Variants in WDR49 observed in about 807,000 individuals in gnomAD.
WDR49 encodes the protein WD repeat domain 49.
Under a neutral mutation model 119.5 loss-of-function variants are expected in WDR49, and 107 were observed. That is an observed-to-expected ratio of 0.90 (90% confidence interval 0.77 to 1.05). WDR49 has a LOEUF of 1.05. Ranked by LOEUF, WDR49 falls within the 50% of genes least tolerant of loss-of-function variation. The probability of loss-of-function intolerance (pLI) is 0.00; values close to 1 mark genes in which losing one functional copy is unlikely to be tolerated. For synonymous variants in WDR49, 425 were observed against 418.8 expected, an observed-to-expected ratio of 1.01 and a Z score of -0.18; for missense variants, 1,240 against 1,220.5, an observed-to-expected ratio of 1.02 and a Z score of -0.24.
At chr3:167,555,906 A>G (rs1712897711) in intron 9 of WDR49, among the ~76,000 whole-genome samples, 1 of 152,234 alleles carries the variant, frequency 6.6e-6, no homozygotes, top group Non-Finnish European at 1.5e-5. Flanking sequence ...CTACACACCT[A>G]GACTATATGG....
At chr3:167,556,130 C>A (rs1000155933) in intron 9 of WDR49, among the ~76,000 whole-genome samples, 10 of 152,158 alleles carry the variant, frequency 6.6e-5, no homozygotes, top group African/African-American at 2.4e-4. Context: ...ACTTGTAACT[C>A]TATCAATCTA....
At chr3:167,642,252 A>G (rs1355861269) in intron 2 of WDR49, among the ~76,000 whole-genome samples, 5 of 151,968 alleles carry the variant, frequency 3.3e-5, no homozygotes, top group Non-Finnish European at 5.9e-5. Context: ...TTTAATATCT[A>G]TAAGCCCAGT....
chr3:167,571,943 A>C (rs1367470051), intron 8 of WDR49, among the ~76,000 whole-genome samples: 1 of 152,246 alleles, frequency 6.6e-6, no homozygotes, highest in African/African-American at 2.4e-5. Flanking sequence ...TATTTTACAA[A>C]AATACATCAA....
At chr3:167,510,295 T>C (rs1166815851) in intron 16 of WDR49, among the ~76,000 whole-genome samples, 2 of 152,220 alleles carry the variant, frequency 1.3e-5, no homozygotes. Context: ...AAGGAAATAT[T>C]CTGAAACTGT....
intron 7 of WDR49, among the ~76,000 whole-genome samples, chr3:167,589,324 G>A (rs1441543066): frequency 6.6e-6 from 1 of 152,064 alleles, no homozygotes; most frequent in Admixed American, 6.6e-5. Context: ...GTGTCATGAC[G>A]TTTTGGTTAC....
chr3:167,503,610 G>A (rs761462630), intron 17 of WDR49, among the ~76,000 whole-genome samples: 1 of 152,162 alleles, frequency 6.6e-6, no homozygotes, highest in Non-Finnish European at 1.5e-5. Context: ...CAAGCCTTTA[G>A]CCCGATCGGG....
chr3:167,538,722 G>C (rs1711614628), intron 10 of WDR49, among the ~76,000 whole-genome samples: 1 of 152,120 alleles, frequency 6.6e-6, no homozygotes, highest in Non-Finnish European at 1.5e-5. Context: ...AAGTGCTAAG[G>C]CATTACTGAT....
chr3:167,591,417 G>A (rs938540266), intron 7 of WDR49, among the ~76,000 whole-genome samples: 2 of 151,912 alleles, frequency 1.3e-5, no homozygotes, highest in African/African-American at 4.8e-5. Context: ...TATCTATTAG[G>A]TCCATTTCTT....
chr3:167,529,034 T>C lies in WDR49; in HGVS notation c.2406+18A>G. Reference sequence around the variant, plus strand: ...ACCAAAAATCTTAAAGGTAATGTGATAATGTTTTTCAATTTACCTCTATAT... The same window carrying C: ...ACCAAAAATCTTAAAGGTAATGTGACAATGTTTTTCAATTTACCTCTATAT... On this transcript the variant is annotated intron_variant, in intron 14 of 18. Transcript: ENST00000682715. The C allele has an allele frequency of 1.3e-6, 2 of 1,532,726 alleles. No individual in the cohort carries two copies. Among genetic ancestry groups the C allele is most frequent in the Non-Finnish European group, 1.7e-6 (2 of 1,144,560 alleles). The allele number at this position is 1,532,726 out of a possible 1,614,324, so 94.9% of individuals were successfully genotyped here. A position where few individuals can be genotyped will look rare whatever the true frequency, so the allele number is the denominator to read the frequency against.
chr3:167,540,575 C>T (rs1198270715), intron 10 of WDR49, among the ~76,000 whole-genome samples: 2 of 152,102 alleles, frequency 1.3e-5, no homozygotes, highest in African/African-American at 2.4e-5. Context: ...CAGATTTTTT[C>T]ACTGGAATAG....
chr3:167,510,193 G>A (rs1442230305), intron 16 of WDR49, among the ~76,000 whole-genome samples: 1 of 152,154 alleles, frequency 6.6e-6, no homozygotes, highest in African/African-American at 2.4e-5. Context: ...GACCAGCCTG[G>A]CCAACATGAT....
At chr3:167,482,931 G>T (rs1425321490) in intron 18 of WDR49, among the ~76,000 whole-genome samples, 2 of 151,974 alleles carry the variant, frequency 1.3e-5, no homozygotes, top group African/African-American at 2.4e-5. Context: ...ACTGAAAACT[G>T]ACAAATCAAC....
At chr3:167,511,735 C>T (rs1365708914) in intron 16 of WDR49, among the ~76,000 whole-genome samples, 2 of 152,172 alleles carry the variant, frequency 1.3e-5, no homozygotes, top group African/African-American at 2.4e-5. Flanking sequence ...GGGGCAGTCA[C>T]CATCACTGTG....
At chr3:167,537,289 G>A (rs1711520765) in intron 10 of WDR49, among the ~76,000 whole-genome samples, 1 of 151,998 alleles carries the variant, frequency 6.6e-6, no homozygotes, top group Admixed American at 6.6e-5. Context: ...CCATCACCAC[G>A]ACCCTAAAGC....
intron 12 of WDR49, among the ~76,000 whole-genome samples, chr3:167,532,352 T>C (rs901683535): frequency 6.6e-6 from 1 of 152,174 alleles, no homozygotes; most frequent in Admixed American, 6.5e-5. Context: ...CAAGACATTT[T>C]ACTTAAGTAT....
intron 18 of WDR49, 32 bp from the exon 19 acceptor site, chr3:167,479,028 T>C: frequency 6.7e-7 from 1 of 1,485,966 alleles, no homozygotes; most frequent in East Asian, 2.3e-5. Flanking sequence ...CACAAGTGAA[T>C]TATATTTGTT....
intron 8 of WDR49, among the ~76,000 whole-genome samples, chr3:167,566,584 GCAA>G (rs1311695747): frequency 6.6e-6 from 1 of 152,068 alleles, no homozygotes; most frequent in African/African-American, 2.4e-5. Flanking sequence ...AGTTTACGCT[GCAA>G]CAACATGGGG....
At chr3:167,655,512 G>A (rs1198585485), upstream of WDR49, among the ~76,000 whole-genome samples, 1 of 152,126 alleles carries the variant, frequency 6.6e-6, no homozygotes, top group African/African-American at 2.4e-5. Flanking sequence ...TCCTGTAGGA[G>A]TTCCTGTACC....
intron 15 of WDR49, among the ~76,000 whole-genome samples, chr3:167,523,772 C>T (rs974043445): frequency 5.3e-5 from 8 of 152,154 alleles, no homozygotes; most frequent in African/African-American, 1.9e-4. Context: ...ATATGTGCCA[C>T]ATTTTCTTTT....
Sources: gnomAD v4.1 joint callset for allele counts (sites outside exome capture counted in the v4.1 genomes callset) on GRCh38, gnomAD v4.1.1 for gene constraint, MANE v1.5 for transcripts, NCBI Gene and HGNC (gene_info 2026-07-23, HGNC 2026-07-21) for gene names.